SIM2: variants seen among roughly 807,000 people sequenced by gnomAD.
SIM2 encodes SIM bHLH transcription factor 2, also known as single-minded homolog 2.
Under a neutral mutation model 64.8 loss-of-function variants are expected in SIM2, and 28 were observed. That is an observed-to-expected ratio of 0.43 (90% CI 0.32 to 0.59). The LOEUF (loss-of-function observed/expected upper bound fraction) is 0.59, where lower values mean the gene tolerates loss of function less well. SIM2 is among the 20% of genes least tolerant of loss of function. The pLI, the probability that SIM2 is intolerant of heterozygous loss-of-function variation, is 0.07. For missense variants in SIM2, 847 were observed against 871.4 expected, an observed-to-expected ratio of 0.97 and a Z score of 0.35; for synonymous variants, 408 against 391.1, an observed-to-expected ratio of 1.04 and a Z score of -0.51.
At chr21:36,707,510 G>T (rs900581986) in intron 1 of SIM2, among the ~76,000 whole-genome samples, 1 of 152,184 alleles carries the variant, frequency 6.6e-6, no homozygotes, top group Non-Finnish European at 1.5e-5. Flanking sequence ...CACCTCCTCA[G>T]CCAGGATAAG....
chr21:36,712,013 T>C (rs374732453), intron 2 of SIM2, among the ~76,000 whole-genome samples: 28 of 152,342 alleles, frequency 1.8e-4, no homozygotes, highest in African/African-American at 2.4e-4. Context: ...AATAACCAGG[T>C]ATTTTGTTTT....
intron 6 of SIM2, among the ~76,000 whole-genome samples, chr21:36,729,319 G>A (rs1011586817): frequency 3.3e-5 from 5 of 152,058 alleles, no homozygotes; most frequent in African/African-American, 1.2e-4. Context: ...GTTCTAGGTG[G>A]CCCTTAGGCA....
In SIM2 at chr21:36,737,961, C is replaced by CAAAAAAAAAAA. The variant is rs61252184; in HGVS notation, c.851-3745_851-3735dup. On this transcript the variant is annotated intron_variant, in intron 7 of 10. Transcript: ENST00000290399. ...TGGGCAAAAGAGCAAGACCCTGTCT[C>CAAAAAAAAAAA]AAAAAAAAAAAAAAAAAAAAAGCAA... is the stretch of plus-strand genomic sequence containing the variant. 3.2e-3 allele frequency among the ~76,000 whole-genome samples: 110 copies of CAAAAAAAAAAA among 34,050 alleles called. 6 individuals carry two copies. The highest frequency in any genetic ancestry group is 5.0e-3 in the African/African-American group (47 of 9,320). 22.3% of individuals were successfully genotyped at this position (34,050 alleles called of 152,430 possible). A position where few individuals can be genotyped will look rare whatever the true frequency, so the allele number is the denominator to read the frequency against.
intron 8 of SIM2, among the ~76,000 whole-genome samples, chr21:36,742,275 CCTG>C (rs373397286): frequency 5.3e-4 from 81 of 152,216 alleles, no homozygotes; most frequent in African/African-American, 1.9e-3. Context: ...CTTAGATGCT[CCTG>C]CTGTTTGAGA....
In SIM2 at chr21:36,726,327, G is replaced by A. The variant is rs373744222; in HGVS notation, c.743+9G>A. On this transcript the variant is annotated intron_variant, in intron 6 of 10. Coordinates refer to ENST00000290399, the MANE Select transcript of SIM2 (RefSeq NM_005069.6). This position sits in a 1 kb window ranked among gnomAD's most constrained non-coding sequence, Gnocchi z 4.5. ...ATATTCCTGGATTCCAGGTGAGTTC[G>A]GCACCTGCCACAGTGGCTGTGGCCT... 51 of 1,606,174 alleles carry A rather than the reference G, an allele frequency of 3.2e-5. No homozygotes were observed. In the African/African-American group the frequency reaches 3.2e-4, roughly 10 times the overall value.
At chr21:36,734,017 T>C (rs2089011136) in intron 7 of SIM2, among the ~76,000 whole-genome samples, 1 of 152,106 alleles carries the variant, frequency 6.6e-6, no homozygotes, top group Admixed American at 6.5e-5. Context: ...TCTCGTGCCC[T>C]TTTCCCAGGT....
intron 3 of SIM2, among the ~76,000 whole-genome samples, chr21:36,716,369 T>C (rs967485986): frequency 6.8e-6 from 1 of 146,328 alleles, no homozygotes; most frequent in African/African-American, 2.5e-5. Flanking sequence ...TAAATATACG[T>C]ATGTAAGAAA....
At chr21:36,724,290 T>C (rs770188516) in intron 5 of SIM2, among the ~76,000 whole-genome samples, 10 of 152,202 alleles carry the variant, frequency 6.6e-5, no homozygotes, top group Non-Finnish European at 7.3e-5. Flanking sequence ...TTGGGTCTTT[T>C]TGTTAAGGGA....
Position 36,731,060 on chromosome 21 carries a change from G to A in SIM2, c.759G>A (p.Thr253=), listed in dbSNP as rs765448691. ...IFLDSRVTEV[T]GYEPQDLIEK... ...GCCCCCACAGGGTGACCGAGGTGAC[G>A]GGGTACGAGCCGCAGGACCTGATCG... The change falls in exon 7 of 11, where the codon ACG becomes ACA. Residue 253 remains threonine, a synonymous_variant. Coordinates refer to ENST00000290399, the MANE Select transcript of SIM2 (RefSeq NM_005069.6). 30 of 1,613,832 alleles carry A rather than the reference G, an allele frequency of 1.9e-5. No homozygotes were observed. The highest frequency in any genetic ancestry group is 1.1e-4 in the African/African-American group (8 of 74,918).
Position 36,706,780 on chromosome 21 carries a change from C to T in SIM2, c.176-2388C>T, listed in dbSNP as rs1168270434. 2.6e-5 allele frequency among the ~76,000 whole-genome samples: 4 copies of T among 152,184 alleles called. No homozygotes were observed. In the East Asian group the frequency reaches 7.7e-4, roughly 29 times the overall value. ...GTGCTTGGGAGGAACATCTAGCACC[C>T]GACCACCTCCACCAGGTGGGAAAGG... On this transcript the variant is annotated intron_variant, in intron 1 of 10. Transcript: ENST00000290399.
intron 4 of SIM2, among the ~76,000 whole-genome samples, chr21:36,722,271 T>A (rs964310060): frequency 6.6e-6 from 1 of 152,112 alleles, no homozygotes; most frequent in Non-Finnish European, 1.5e-5. Flanking sequence ...TATGGCAGCC[T>A]CTCCAACTGG....
chr21:36,703,643 C>A (rs184250992), intron 1 of SIM2, among the ~76,000 whole-genome samples: 1 of 152,304 alleles, frequency 6.6e-6, no homozygotes, highest in Admixed American at 6.5e-5. Flanking sequence ...CAGGAGACCA[C>A]GGCTGACTTT....
intron 5 of SIM2, among the ~76,000 whole-genome samples, chr21:36,724,338 G>A (rs139847491): frequency 2.9e-3 from 438 of 152,352 alleles, no homozygotes; most frequent in African/African-American, 9.3e-3. Context: ...GAGTCCAGTG[G>A]TGCAATCACA....
intron 1 of SIM2, among the ~76,000 whole-genome samples, chr21:36,703,984 A>G (rs376116729): frequency 3.5e-4 from 54 of 152,364 alleles, no homozygotes; most frequent in African/African-American, 1.3e-3. Flanking sequence ...TCAGCAGTGA[A>G]GTTGGAAACC....
At position 36,747,935 on chromosome 21, in the gene SIM2, C is replaced by T; in HGVS notation, c.1847C>T (p.Ala616Val). The T allele has an allele frequency of 1.9e-6, 2 of 1,030,510 alleles. 1 individual carries two copies. The highest frequency in any genetic ancestry group is 2.3e-6 in the Non-Finnish European group (2 of 859,464). 63.8% of individuals were successfully genotyped at this position (1,030,510 alleles called of 1,614,324 possible). The change falls in exon 11 of 11, where the codon GCA becomes GTA. Residue 616 changes from alanine to valine, a missense_variant. Ala to Val is a moderately conservative substitution (Grantham distance 64). This residue lies in a region of SIM2 where 447 missense variants were observed against 414.6 expected (regional missense o/e 1.08). Transcript: ENST00000290399. The surrounding 1 kb of genome is among the most constrained non-coding windows in gnomAD (Gnocchi z 4.5). ...LARRGPLGGAAPAASGLACAP... is the reference protein window; with the variant it reads ...LARRGPLGGAVPAASGLACAP... Reference sequence around the variant, plus strand: ...CGGCGCGGACCGCTGGGGGGCGCCGCACCCGCCGCCTCCGGCCTGGCCTGC... The same window carrying T: ...CGGCGCGGACCGCTGGGGGGCGCCGTACCCGCCGCCTCCGGCCTGGCCTGC...
chr21:36,702,810 G>A (rs1327656860), intron 1 of SIM2, among the ~76,000 whole-genome samples: 2 of 152,040 alleles, frequency 1.3e-5, no homozygotes, highest in Non-Finnish European at 2.9e-5. Context: ...GGGGCTCTCA[G>A]ATCGCCTCGG....
chr21:36,736,732 C>CCTTCT (rs2123485790), intron 7 of SIM2, among the ~76,000 whole-genome samples: 1 of 18,430 alleles, frequency 5.4e-5, no homozygotes, highest in East Asian at 2.5e-3. Context: ...TTCCTTCCCT[C>CCTTCT]CTTCCCTTCC....
intron 1 of SIM2, among the ~76,000 whole-genome samples, chr21:36,702,055 C>T (rs1250133681): frequency 6.6e-6 from 1 of 152,168 alleles, no homozygotes; most frequent in Non-Finnish European, 1.5e-5. Flanking sequence ...AGGGATTTCC[C>T]GGAGAGCCTG....
chr21:36,730,722 C>A (rs1292142050), intron 6 of SIM2, among the ~76,000 whole-genome samples: 2 of 152,226 alleles, frequency 1.3e-5, no homozygotes, highest in Admixed American at 6.5e-5. Flanking sequence ...TAGCAGCTTT[C>A]TCGCAATATC....
Sources: allele counts gnomAD v4.1 joint callset (sites outside exome capture counted in the v4.1 genomes callset), GRCh38; gene constraint gnomAD v4.1.1; regional missense constraint gnomAD v4.1.1; non-coding constraint Gnocchi (gnomAD v3.1); transcripts MANE v1.5; gene names NCBI Gene and HGNC (gene_info 2026-07-23, HGNC 2026-07-21).